Variants in BCL2L14 observed in about 807,000 individuals in gnomAD.
The protein encoded by BCL2L14 is apoptosis facilitator Bcl-2-like protein 14.
In BCL2L14, 27 loss-of-function variants were observed where a neutral mutation model predicts 35.3. The ratio of observed to expected loss-of-function variants is 0.76; its 90% CI spans 0.56 to 1.05. BCL2L14 has a LOEUF of 1.05. Among genes scored for constraint, BCL2L14 ranks in the 50% least tolerant of loss-of-function variants. The pLI, the probability that BCL2L14 is intolerant of heterozygous loss-of-function variation, is 0.00. For missense variants in BCL2L14, 377 were observed against 382.6 expected (o/e 0.99, Z 0.12); for synonymous variants, 139 against 145.9 (o/e 0.95, Z 0.34).
chr12:12,056,852 C>T lies in BCL2L14; in HGVS notation c.-272+5005C>T, dbSNP rs972069492. 2.0e-5 allele frequency among the ~76,000 whole-genome samples: 3 copies of T among 152,228 alleles called. No individual in the cohort carries two copies. In the South Asian group the frequency reaches 6.2e-4, roughly 32 times the overall value. ...ACTCCATCTCAAAACAAAAACAAAACACAATCAATAACAGAACCTAGAGAT... is the reference window on the plus strand; with the variant it reads ...ACTCCATCTCAAAACAAAAACAAAATACAATCAATAACAGAACCTAGAGAT... On this transcript the variant is annotated intron_variant, in intron 2 of 3. Coordinates refer to the BCL2L14 transcript ENST00000461264.
upstream of BCL2L14, among the ~76,000 whole-genome samples, chr12:12,066,187 C>G (rs1948592205): frequency 6.6e-6 from 1 of 152,194 alleles, no homozygotes; most frequent in African/African-American, 2.4e-5. Flanking sequence ...ATGTTGACCC[C>G]TTCACAGATG....
At chr12:12,065,076 C>A (rs1249686702) in intron 2 of BCL2L14, among the ~76,000 whole-genome samples, 1 of 152,114 alleles carries the variant, frequency 6.6e-6, no homozygotes, top group Non-Finnish European at 1.5e-5. Flanking sequence ...TGGGGCCCTG[C>A]AAATTAGACT....
intron 2 of BCL2L14, among the ~76,000 whole-genome samples, chr12:12,052,431 T>C (rs1948371662): frequency 6.6e-6 from 1 of 152,184 alleles, no homozygotes; most frequent in Non-Finnish European, 1.5e-5. Flanking sequence ...TTCTATGAGA[T>C]CAACTTTCTC....
intron 2 of BCL2L14, among the ~76,000 whole-genome samples, chr12:12,052,986 T>C (rs1009846612): frequency 1.3e-5 from 2 of 152,202 alleles, no homozygotes; most frequent in African/African-American, 4.8e-5. Context: ...TTCAGTATTC[T>C]TGTTTCACTG....
chr12:12,075,159 G>GT (rs1948752764), intron 1 of BCL2L14, among the ~76,000 whole-genome samples: 1 of 151,516 alleles, frequency 6.6e-6, no homozygotes, highest in South Asian at 2.1e-4. Context: ...GTCTCCGTGT[G>GT]TCACCCAGGC....
chr12:12,089,347 T>C (rs1949119008), intron 3 of BCL2L14, among the ~76,000 whole-genome samples: 1 of 146,920 alleles, frequency 6.8e-6, no homozygotes. Context: ...CCAGCCTGGG[T>C]GACAAGAGTG....
At chr12:12,063,834 A>C (rs572522235) in intron 2 of BCL2L14, among the ~76,000 whole-genome samples, 1 of 152,164 alleles carries the variant, frequency 6.6e-6, no homozygotes, top group South Asian at 2.1e-4. Flanking sequence ...TTGTCTTGTG[A>C]AATTCCTTCT....
chr12:12,070,231 A>G (rs1053891178), upstream of BCL2L14, among the ~76,000 whole-genome samples: 3 of 152,166 alleles, frequency 2.0e-5, no homozygotes, highest in African/African-American at 7.2e-5. Context: ...TTTGAGTCAC[A>G]TAGGAGAGGT....
upstream of BCL2L14, among the ~76,000 whole-genome samples, chr12:12,070,254 T>C (rs1232778668): frequency 6.6e-6 from 1 of 152,016 alleles, no homozygotes; most frequent in Non-Finnish European, 1.5e-5. Context: ...CATGATAGAG[T>C]GTAAAGCCAG....
At chr12:12,073,111 G>T (rs12425551) in intron 1 of BCL2L14, among the ~76,000 whole-genome samples, 42,588 of 152,054 alleles carry the variant, frequency 0.28, 6,258 homozygotes, top group Admixed American at 0.39. Context: ...CTGGGCTTAA[G>T]CGATCCTGCT....
rs1249784598 is a variant in BCL2L14, at chr12:12,060,822, TCTGA to T, written c.-272+8982_-272+8985del. ...CCCCTGGAACTCTGGCCGAAGGCTC[TCTGA>T]CTGACTCCTTCTCAGCTTAGCGGCT... On this transcript the variant is annotated intron_variant, in intron 2 of 3. Transcript: ENST00000461264. Among the ~76,000 whole-genome samples, 12 of 131,526 alleles carry T rather than the reference TCTGA, an allele frequency of 9.1e-5. No individual in the cohort carries two copies. In the East Asian group the frequency reaches 1.6e-3, roughly 17 times the overall value. 86.3% of individuals were successfully genotyped at this position (131,526 alleles called of 152,430 possible). A position where few individuals can be genotyped will look rare whatever the true frequency, so the allele number is the denominator to read the frequency against.
At chr12:12,096,883 C>T (rs889605133) in intron 5 of BCL2L14, among the ~76,000 whole-genome samples, 5 of 152,212 alleles carry the variant, frequency 3.3e-5, no homozygotes, top group Non-Finnish European at 7.3e-5. Flanking sequence ...GTGGCTCACG[C>T]CTGTAATCCC....
At chr12:12,061,735 G>A (rs1258775784) in intron 2 of BCL2L14, among the ~76,000 whole-genome samples, 8 of 152,184 alleles carry the variant, frequency 5.3e-5, no homozygotes, top group East Asian at 1.9e-4. Flanking sequence ...CAAATTACCT[G>A]GGCTGTACTG....
intron 3 of BCL2L14, among the ~76,000 whole-genome samples, chr12:12,088,577 C>G (rs1045426514): frequency 6.6e-6 from 1 of 152,168 alleles, no homozygotes; most frequent in Non-Finnish European, 1.5e-5. Context: ...ATTTTACAGG[C>G]TACTCTTTGT....
upstream of BCL2L14, among the ~76,000 whole-genome samples, chr12:12,069,496 G>A (rs1236282351): frequency 3.3e-5 from 5 of 151,366 alleles, no homozygotes; most frequent in African/African-American, 1.2e-4. Context: ...TCAGGAGATC[G>A]AGGCCATCCT....
intron 1 of BCL2L14, among the ~76,000 whole-genome samples, chr12:12,051,554 C>A (rs748792289): frequency 1.1e-4 from 16 of 145,196 alleles, no homozygotes; most frequent in Admixed American, 5.6e-4. Flanking sequence ...TCAAATTTAC[C>A]CCCTGGTAAC....
Position 12,079,603 on chromosome 12 carries a change from G to A in BCL2L14, c.298G>A (p.Val100Met). 1 of 1,614,220 alleles carries A rather than the reference G, an allele frequency of 6.2e-7. No individual in the cohort carries two copies. Among genetic ancestry groups the A allele is most frequent in the Non-Finnish European group, 8.5e-7 (1 of 1,180,048 alleles). The stretch of plus-strand genomic sequence containing the variant: ...TTCTTGGAAAGCATTCTTTGGAGTA[G>A]TGGAGAAGGAAGATTCGCAGAGCAC... ...KSSWKAFFGV[V>M]EKEDSQSTPA... is the part of the protein sequence containing the mutation. Residue 100 changes from valine to methionine, a missense_variant, in exon 2 of 6, where the codon GTG becomes ATG. Coordinates refer to ENST00000308721, the MANE Select transcript of BCL2L14 (RefSeq NM_138723.2).
intron 3 of BCL2L14, 80 bp downstream of exon 3, chr12:12,087,466 G>T (rs1432483289): frequency 6.7e-7 from 1 of 1,483,882 alleles, no homozygotes; most frequent in South Asian, 1.3e-5. Context: ...CCCAGGGCTC[G>T]GCAACTTGAC....
chr12:12,080,392 G>A (rs1011122963), intron 2 of BCL2L14, among the ~76,000 whole-genome samples: 17 of 151,830 alleles, frequency 1.1e-4, no homozygotes, highest in Non-Finnish European at 2.9e-5. Flanking sequence ...AGGTTGAGGT[G>A]GGCAGATCAT....
Sources: gnomAD v4.1 joint callset for allele counts (sites outside exome capture counted in the v4.1 genomes callset) on GRCh38, gnomAD v4.1.1 for gene constraint, MANE v1.5 for transcripts, NCBI Gene and HGNC (gene_info 2026-07-23, HGNC 2026-07-21) for gene names.